ADGB: variants seen among roughly 807,000 people sequenced by gnomAD.
ADGB encodes androglobin.
In ADGB, 172 loss-of-function variants were observed where a neutral mutation model predicts 210.5. The observed-to-expected ratio is 0.82, with a 90% CI of 0.72 to 0.93. The LOEUF is 0.93. ADGB is among the 40% of genes least tolerant of loss of function. The probability of loss-of-function intolerance (pLI) is 0.00; values close to 1 mark genes in which losing one functional copy is unlikely to be tolerated. For missense variants in ADGB, 2,025 were observed against 1,964.8 expected (o/e 1.03, Z -0.58); for synonymous variants, 658 against 662.7 (o/e 0.99, Z 0.11).
At chr6:146,753,270 C>T (rs371159603) in intron 27 of ADGB, among the ~76,000 whole-genome samples, 4 of 151,902 alleles carry the variant, frequency 2.6e-5, no homozygotes, top group East Asian at 1.9e-4. Flanking sequence ...GCCTTATAAT[C>T]GTGCTACTCA....
In ADGB at chr6:146,788,764, GA is replaced by G; in HGVS notation, c.4537+156del. 1.3e-5 allele frequency among the ~76,000 whole-genome samples: 2 copies of G among 152,174 alleles called. 1 individual carries two copies. Among genetic ancestry groups the G allele is most frequent in the Non-Finnish European group, 2.9e-5 (2 of 68,038 alleles). ...TTTTCATTTTACTTAATGGAGTTGGGAATTTGCTCAAGGACCTGACTACTAA... is the reference window on the plus strand; with the variant it reads ...TTTTCATTTTACTTAATGGAGTTGGGATTTGCTCAAGGACCTGACTACTAA... On this transcript the variant is annotated intron_variant, in intron 33 of 35. Coordinates refer to ENST00000397944, the MANE Select transcript of ADGB (RefSeq NM_024694.4).
chr6:146,672,002 G>C (rs1055613068), intron 7 of ADGB, among the ~76,000 whole-genome samples: 6 of 152,084 alleles, frequency 3.9e-5, no homozygotes. Context: ...CCATGGTTTT[G>C]GTCGCTTTGT....
chr6:146,769,234 A>G (rs11752064), intron 29 of ADGB, 103 bp downstream of exon 29: 5 of 576,778 alleles, frequency 8.7e-6, no homozygotes, highest in Admixed American at 2.7e-5. Context: ...TCATTGTATG[A>G]TGTTTTATTA....
intron 7 of ADGB, 50 bp downstream of exon 7, chr6:146,666,952 G>A (rs746192470): frequency 1.4e-6 from 2 of 1,380,486 alleles, no homozygotes; most frequent in South Asian, 2.7e-5. Context: ...ATCTTCCCAA[G>A]ATTTCTTTAA....
At chr6:146,716,525 G>T in intron 14 of ADGB, among the ~76,000 whole-genome samples, 1 of 127,594 alleles carries the variant, frequency 7.8e-6, no homozygotes, top group East Asian at 2.0e-4. Context: ...CCCGGGAAGC[G>T]GAGCTTGCAG....
chr6:146,743,493 C>T lies in ADGB; in HGVS notation c.3177+2222C>T, dbSNP rs145946626. On this transcript the variant is annotated intron_variant, in intron 25 of 35. Coordinates refer to ENST00000397944, the MANE Select transcript of ADGB (RefSeq NM_024694.4). ...TTCTAAGTGATACATTTTGAGTCAA[C>T]GTTCAGAAGAACATTCCAGCTCCAC... Among the ~76,000 whole-genome samples the T allele has an allele frequency of 3.9e-4, 59 of 152,290 alleles. 1 individual carries two copies. In the East Asian group the frequency reaches 8.5e-3, roughly 22 times the overall value.
chr6:146,727,035 G>A (rs553682334), intron 19 of ADGB, among the ~76,000 whole-genome samples: 33 of 152,154 alleles, frequency 2.2e-4, no homozygotes, highest in African/African-American at 7.7e-4. Flanking sequence ...AAGAAGAGAT[G>A]AGGTCAATGG....
chr6:146,622,633 A>AC (rs1325589727), intron 1 of ADGB, among the ~76,000 whole-genome samples: 2 of 152,062 alleles, frequency 1.3e-5, no homozygotes, highest in Non-Finnish European at 2.9e-5. Context: ...CAAACCTTTT[A>AC]CCAGGTATAT....
intron 5 of ADGB, among the ~76,000 whole-genome samples, chr6:146,658,849 G>A (rs1775818343): frequency 6.6e-6 from 1 of 152,140 alleles, no homozygotes; most frequent in Non-Finnish European, 1.5e-5. Context: ...AGCTCCACTG[G>A]CTCCCTCTGT....
At chr6:146,705,733 G>T (rs888203609) in intron 13 of ADGB, among the ~76,000 whole-genome samples, 5 of 152,006 alleles carry the variant, frequency 3.3e-5, no homozygotes, top group Admixed American at 6.6e-5. Flanking sequence ...TTGACCTAAG[G>T]TTTATTTTCT....
intron 18 of ADGB, 49 bp from the exon 19 acceptor site, chr6:146,726,034 C>A: frequency 3.2e-6 from 4 of 1,259,334 alleles, no homozygotes; most frequent in African/African-American, 1.5e-5. Flanking sequence ...AGGTCAAATG[C>A]CACCACCCAG....
At chr6:146,610,010 C>T (rs1370591551) in intron 1 of ADGB, among the ~76,000 whole-genome samples, 1 of 152,102 alleles carries the variant, frequency 6.6e-6, no homozygotes, top group Non-Finnish European at 1.5e-5. Context: ...TGTGTAGTAT[C>T]TCTCAGGGGT....
chr6:146,697,848 A>G (rs1194240715), intron 12 of ADGB, among the ~76,000 whole-genome samples: 1 of 152,218 alleles, frequency 6.6e-6, no homozygotes, highest in African/African-American at 2.4e-5. Context: ...TAGACACATC[A>G]TAGTAAAGCC....
At chr6:146,726,342 C>A (rs950219755) in intron 19 of ADGB, 145 bp downstream of exon 19, 1 of 509,784 alleles carries the variant, frequency 2.0e-6, no homozygotes, top group Non-Finnish European at 3.6e-6. Flanking sequence ...CTTGCCTCAG[C>A]CCCCCAAGTA....
At chr6:146,624,615 A>G (rs1200936788) in intron 1 of ADGB, among the ~76,000 whole-genome samples, 1 of 151,784 alleles carries the variant, frequency 6.6e-6, no homozygotes, top group African/African-American at 2.4e-5. Context: ...TTCTGCTTTA[A>G]TTCTTATTAT....
At position 146,736,523 on chromosome 6, in the gene ADGB, A is replaced by G. The variant is rs1315344187; in HGVS notation, c.2820A>G (p.Ala940=). The change falls in exon 23 of 36, where the codon GCA becomes GCG. Residue 940 remains alanine (A), a synonymous_variant. Coordinates refer to ENST00000397944, the MANE Select transcript of ADGB (RefSeq NM_024694.4). The stretch of plus-strand genomic sequence containing the variant: ...ACACAAAAGAAAATATCAGTGTTGC[A>G]GATACTCTTCAAAAAGTTTGGGCTG... The part of the protein sequence containing the change: ...IPDTKENISV[A]DTLQKVWAVL... 1 of 1,547,672 alleles carries G rather than the reference A, an allele frequency of 6.5e-7. No individual in the cohort carries two copies. The highest frequency in any genetic ancestry group is 2.0e-5 in the Admixed American group (1 of 50,582).
intron 25 of ADGB, among the ~76,000 whole-genome samples, chr6:146,742,626 A>T (rs528305858): frequency 2.6e-5 from 4 of 152,324 alleles, no homozygotes; most frequent in African/African-American, 9.6e-5. Context: ...AAGGGCATTT[A>T]CATATCACTT....
chr6:146,647,105 C>CAAAA lies in ADGB; in HGVS notation c.330+2243_330+2246dup, dbSNP rs71552951. 6.7e-3 allele frequency among the ~76,000 whole-genome samples: 910 copies of CAAAA among 136,454 alleles called. 26 individuals are homozygous for CAAAA. The highest frequency in any genetic ancestry group is 0.011 in the Non-Finnish European group (672 of 63,436). The allele number at this position is 136,454 out of a possible 152,430, so 89.5% of individuals were successfully genotyped here. A position where few individuals can be genotyped will look rare whatever the true frequency, so the allele number is the denominator to read the frequency against. On this transcript the variant is annotated intron_variant, in intron 3 of 35. Coordinates refer to ENST00000397944, the MANE Select transcript of ADGB (RefSeq NM_024694.4). ...GCCTGTCTCAAAAAAAAACAAAAAA[C>CAAAA]AAAAAACAAAAAACAAACAAACAAA...
At chr6:146,789,280 T>C (rs1227044423) in intron 33 of ADGB, among the ~76,000 whole-genome samples, 1 of 152,198 alleles carries the variant, frequency 6.6e-6, no homozygotes, top group Admixed American at 6.5e-5. Context: ...GAGCACTACC[T>C]AGACTGTGCT....
Sources: allele counts gnomAD v4.1 joint callset (sites outside exome capture counted in the v4.1 genomes callset), GRCh38; gene constraint gnomAD v4.1.1; transcripts MANE v1.5; gene names NCBI Gene and HGNC (gene_info 2026-07-23, HGNC 2026-07-21).